CNTNAP1: variants seen among roughly 807,000 people sequenced by gnomAD.
The protein encoded by CNTNAP1 is contactin-associated protein 1.
CNTNAP1 carries 80 observed loss-of-function variants against 161.5 expected under a neutral mutation model. The observed-to-expected ratio is 0.50, with a 90% CI of 0.41 to 0.60. The LOEUF (loss-of-function observed/expected upper bound fraction) is 0.60, where lower values mean the gene tolerates loss of function less well. Among genes scored for constraint, CNTNAP1 ranks in the 20% least tolerant of loss-of-function variants. The probability of loss-of-function intolerance (pLI) is 0.00; values close to 1 mark genes in which losing one functional copy is unlikely to be tolerated. For synonymous variants in CNTNAP1, 695 were observed against 733.1 expected (o/e 0.95, Z 0.84); for missense variants, 1,464 against 1,854.8 (o/e 0.79, Z 3.87).
In CNTNAP1 at chr17:42,692,385, G is replaced by A. The variant is rs896006330; in HGVS notation, c.2531-114G>A. ...ATGCAAGCTACAGACAAATTGGAGG[G>A]ATATTCAAGAAGCTCCAAAGAGGTG... On this transcript the variant is annotated intron_variant, in intron 16 of 23. Transcript: ENST00000264638. 14 of 851,938 alleles carry A rather than the reference G, an allele frequency of 1.6e-5. No individual in the cohort carries two copies. In the African/African-American group the frequency reaches 2.0e-4, roughly 12 times the overall value. The allele number at this position is 851,938 out of a possible 1,614,324, so 52.8% of individuals were successfully genotyped here. A position where few individuals can be genotyped will look rare whatever the true frequency, so the allele number is the denominator to read the frequency against.
rs778390242 is a variant in CNTNAP1, at chr17:42,697,723, C to T, written c.3738C>T (p.Ser1246=). Residue 1246 remains serine, a synonymous_variant, in exon 22 of 24, where the codon TCC becomes TCT. Transcript: ENST00000264638. The stretch of plus-strand genomic sequence containing the variant: ...CCCTTCGAGTTCAGGGAGAACTGTC[C>T]GAATCTAATTGCGGAGCTATGCCAC... ...AEALRVQGEL[S]ESNCGAMPRL... is the part of the protein sequence containing the mutation. 6.8e-6 allele frequency: 11 copies of T among 1,614,112 alleles called. No homozygotes were observed. The highest frequency in any genetic ancestry group is 2.2e-5 in the East Asian group (1 of 44,890).
rs1185774436 is a variant in CNTNAP1 at position 42,698,978 on chromosome 17, A to G, written c.*68A>G. On this transcript the variant is annotated 3_prime_UTR_variant, in exon 24 of 24. Coordinates refer to ENST00000264638, the MANE Select transcript of CNTNAP1 (RefSeq NM_003632.3). ...CCCAGTCCTGCCTCTCCCCCATCCT[A>G]TCAGGGACATTTGGCTCCTCTTAGC... 1.4e-5 allele frequency: 19 copies of G among 1,396,294 alleles called. No homozygotes were observed. The highest frequency in any genetic ancestry group is 1.7e-5 in the Non-Finnish European group (18 of 1,053,512). 86.5% of individuals were successfully genotyped at this position (1,396,294 alleles called of 1,614,324 possible).
At position 42,697,793 on chromosome 17, in the gene CNTNAP1, C is replaced by T; in HGVS notation, c.3808C>T (p.Pro1270Ser). Reference sequence around the variant, plus strand: ...ACCTGAGCTTGATCCCTGGTATCTGCCCCCAGGTACATTCCCAGGACACAG... The same window carrying T: ...ACCTGAGCTTGATCCCTGGTATCTGTCCCCAGGTACATTCCCAGGACACAG... ...VPPELDPWYL[P>S]PDFPYYHDEG... The change falls in exon 22 of 24, where the codon CCC becomes TCC. Residue 1270 changes from proline to serine, a missense_variant. Around this residue, in one of 3 missense-constraint regions of CNTNAP1, gnomAD observed 1,383 missense variants for 1,765.0 expected, o/e 0.78. Coordinates refer to ENST00000264638, the MANE Select transcript of CNTNAP1 (RefSeq NM_003632.3). 5 of 1,614,136 alleles carry T rather than the reference C, an allele frequency of 3.1e-6. No homozygotes were observed. Among genetic ancestry groups the T allele is most frequent in the Non-Finnish European group, 4.2e-6 (5 of 1,180,020 alleles).
chr17:42,683,866 T>C lies in CNTNAP1; in HGVS notation c.113T>C (p.Leu38Pro), dbSNP rs1370685194. 1 of 1,613,138 alleles carries C rather than the reference T, an allele frequency of 6.2e-7. No individual in the cohort carries two copies. The highest frequency in any genetic ancestry group is 8.5e-7 in the Non-Finnish European group (1 of 1,180,004). The change falls in exon 2 of 24, where the codon CTG becomes CCG. Residue 38 changes from leucine (L) to proline (P), a missense_variant. Around this residue, in one of 3 missense-constraint regions of CNTNAP1, gnomAD observed 77 missense variants for 73.6 expected, o/e 1.05. Transcript: ENST00000264638. ...ELVGPLYARS[L>P]GASSYYSLLT... Reference sequence around the variant, plus strand: ...GTGGGTCCCCTGTATGCACGCTCCCTGGGCGCCTCCTCCTACTACAGTCTC... The same window carrying C: ...GTGGGTCCCCTGTATGCACGCTCCCCGGGCGCCTCCTCCTACTACAGTCTC...
chr17:42,697,642 T>TC lies in CNTNAP1; in HGVS notation c.3661dup (p.Leu1221ProfsTer14). On this transcript the variant is annotated frameshift_variant, in exon 22 of 24. Transcript: ENST00000264638. LOFTEE classifies it high-confidence loss of function. ...CTGGTGTTCGATTCAACAACGTGGC[T>TC]CCCCTCAAGACCCACTTCCGAACCC... 1 of 1,614,056 alleles carries TC rather than the reference T, an allele frequency of 6.2e-7. No homozygotes were observed. Among genetic ancestry groups the TC allele is most frequent in the Non-Finnish European group, 8.5e-7 (1 of 1,179,994 alleles).
In CNTNAP1 at chr17:42,687,542, C is replaced by T; in HGVS notation, c.1045-178C>T. On this transcript the variant is annotated intron_variant, in intron 7 of 23. Coordinates refer to ENST00000264638, the MANE Select transcript of CNTNAP1 (RefSeq NM_003632.3). This position sits in a 1 kb window ranked among gnomAD's most constrained non-coding sequence, Gnocchi z 4.7. Reference sequence around the variant, plus strand: ...GTTCCGAGGGCCGACTGGGTTGGGGCCCCCTCCACAGATGGACGAGCTTGG... The same window carrying T: ...GTTCCGAGGGCCGACTGGGTTGGGGTCCCCTCCACAGATGGACGAGCTTGG... 3.8e-6 allele frequency: 3 copies of T among 793,170 alleles called. No individual in the cohort carries two copies. The highest frequency in any genetic ancestry group is 2.8e-5 in the Admixed American group (1 of 35,426). 49.1% of individuals were successfully genotyped at this position (793,170 alleles called of 1,614,324 possible).
Position 42,684,902 on chromosome 17 carries a change from G to A in CNTNAP1, c.364-89G>A, listed in dbSNP as rs546078976. ...ATCGTACCACCGCACTCCAGCCTGG[G>A]CGACAGAGCGAGACTCTGTCTCAAA... On this transcript the variant is annotated intron_variant, in intron 3 of 23. Transcript: ENST00000264638. The A allele has an allele frequency of 2.1e-4, 308 of 1,466,056 alleles. 2 individuals are homozygous for A. The South Asian group carries it at 3.2e-3, about 15-fold the overall frequency. The allele number at this position is 1,466,056 out of a possible 1,614,324, so 90.8% of individuals were successfully genotyped here.
chr17:42,685,101 G>C lies in CNTNAP1; in HGVS notation c.474G>C (p.Lys158Asn), dbSNP rs1210813489. ...IVPLAWNPRG[K>N]IGLRLGLYGC... is the part of the protein sequence containing the mutation. ...CCCTGGCCTGGAACCCACGCGGCAA[G>C]ATCGGCCTGAGGCTCGGCCTCTATG... The change falls in exon 4 of 24, where the codon AAG becomes AAC. Residue 158 changes from lysine (K) to asparagine (N), a missense_variant. Around this residue, in one of 3 missense-constraint regions of CNTNAP1, gnomAD observed 1,383 missense variants for 1,765.0 expected, o/e 0.78. Transcript: ENST00000264638. This position sits in a 1 kb window ranked among gnomAD's most constrained non-coding sequence, Gnocchi z 5.0. 1.9e-6 allele frequency: 3 copies of C among 1,580,116 alleles called. No homozygotes were observed. In the South Asian group the frequency reaches 3.5e-5, roughly 18 times the overall value.
chr17:42,683,126 C>T (rs2052959228), intron 1 of CNTNAP1: 4 of 605,610 alleles, frequency 6.6e-6, no homozygotes, highest in Admixed American at 3.1e-5. Context: ...AGTCAGCGGG[C>T]AGGGATTTGG....
At position 42,698,671 on chromosome 17, in the gene CNTNAP1, C is replaced by G. The variant is rs916065681; in HGVS notation, c.3916C>G (p.Leu1306Val). ...GLVGMLVLFY[L>V]QNHRYKGSYH... ...GGTGGGAATGTTGGTGCTCTTCTAT[C>G]TGCAAAATCATCGCTATAAGGGCTC... Residue 1306 changes from leucine to valine, a missense_variant, in exon 24 of 24, where the codon CTG (leucine) becomes GTG (valine). Physicochemically the swap from Leu to Val is conservative, Grantham distance 32. Coordinates refer to ENST00000264638, the MANE Select transcript of CNTNAP1 (RefSeq NM_003632.3). The G allele has an allele frequency of 7.4e-6, 12 of 1,610,746 alleles. No homozygotes were observed. Among genetic ancestry groups the G allele is most frequent in the African/African-American group, 4.0e-5 (3 of 74,652 alleles).
Position 42,687,580 on chromosome 17 carries a change from C to T in CNTNAP1, c.1045-140C>T, listed in dbSNP as rs2053033366. The T allele has an allele frequency of 3.5e-6, 4 of 1,135,114 alleles. No homozygotes were observed. In the Admixed American group the frequency reaches 9.3e-5, roughly 26 times the overall value. 70.3% of individuals were successfully genotyped at this position (1,135,114 alleles called of 1,614,324 possible). A position where few individuals can be genotyped will look rare whatever the true frequency, so the allele number is the denominator to read the frequency against. On this transcript the variant is annotated intron_variant, in intron 7 of 23. Coordinates refer to ENST00000264638, the MANE Select transcript of CNTNAP1 (RefSeq NM_003632.3). The surrounding 1 kb of genome is among the most constrained non-coding windows in gnomAD (Gnocchi z 4.7). The stretch of plus-strand genomic sequence containing the variant: ...TGGACGAGCTTGGAGGGGAAGAGGT[C>T]ACGTCATGGTTGGAGATCTCACCCC...
chr17:42,683,525 A>G (rs2052965097), intron 1 of CNTNAP1: 3 of 1,242,802 alleles, frequency 2.4e-6, no homozygotes, highest in South Asian at 4.2e-5. Flanking sequence ...GAGGTTTAGG[A>G]TTGAGTTTGG....
chr17:42,695,589 G>A lies in CNTNAP1; in HGVS notation c.3061G>A (p.Ala1021Thr). ...YNLQSALRSAAREFSHMLSRP... is the reference protein window; with the variant it reads ...YNLQSALRSATREFSHMLSRP... ...CCTACAGTCAGCGCTGCGCTCTGCA[G>A]CCAGGGAGTTCTCCCACATGCTGAG... Residue 1021 changes from alanine (A) to threonine (T), a missense_variant, in exon 19 of 24, where the codon GCC becomes ACC. This residue lies in a region of CNTNAP1 where 1,383 missense variants were observed against 1,765.0 expected (regional missense o/e 0.78). Coordinates refer to ENST00000264638, the MANE Select transcript of CNTNAP1 (RefSeq NM_003632.3). The A allele has an allele frequency of 6.2e-7, 1 of 1,614,156 alleles. No homozygotes were observed. Among genetic ancestry groups the A allele is most frequent in the Non-Finnish European group, 8.5e-7 (1 of 1,180,012 alleles).
chr17:42,698,839 A>G lies in CNTNAP1; in HGVS notation c.4084A>G (p.Thr1362Ala), dbSNP rs536045727. ...AGCCTCAGCCCCAGCCCCAGCCCCA[A>G]CTCCAGCCCCAGCCCCTGGCCCCCG... Reference protein sequence around the residue: ...APASAPAPAPTPAPAPGPRDQ... With the variant: ...APASAPAPAPAPAPAPGPRDQ... Residue 1362 changes from threonine to alanine, a missense_variant, in exon 24 of 24, where the codon ACT becomes GCT. By Grantham distance (58) the Thr-to-Ala change is moderately conservative (BLOSUM62 0). Coordinates refer to ENST00000264638, the MANE Select transcript of CNTNAP1 (RefSeq NM_003632.3). 6.3e-7 allele frequency: 1 copy of G among 1,595,286 alleles called. No homozygotes were observed. Among genetic ancestry groups the G allele is most frequent in the Non-Finnish European group, 8.5e-7 (1 of 1,175,926 alleles).
At position 42,690,221 on chromosome 17, in the gene CNTNAP1, T is replaced by C; in HGVS notation, c.1855+14T>C. The C allele has an allele frequency of 4.3e-6, 7 of 1,613,220 alleles. No homozygotes were observed. The highest frequency in any genetic ancestry group is 4.2e-6 in the Non-Finnish European group (5 of 1,179,588). On this transcript the variant is annotated intron_variant, in intron 12 of 23. Coordinates refer to ENST00000264638, the MANE Select transcript of CNTNAP1 (RefSeq NM_003632.3). Reference sequence around the variant, plus strand: ...GTGATATCCGAGGTAAGTGTCTCTGTTGGGTGGTGAGGGGGTGAGGGGAGA... The same window carrying C: ...GTGATATCCGAGGTAAGTGTCTCTGCTGGGTGGTGAGGGGGTGAGGGGAGA...
At position 42,691,732 on chromosome 17, in the gene CNTNAP1, C is replaced by T. The variant is rs1412887490; in HGVS notation, c.2345-74C>T. 4.5e-5 allele frequency: 69 copies of T among 1,524,400 alleles called. No homozygotes were observed. In the Middle Eastern group the frequency reaches 6.9e-4, roughly 15 times the overall value. 94.4% of individuals were successfully genotyped at this position (1,524,400 alleles called of 1,614,324 possible). A position where few individuals can be genotyped will look rare whatever the true frequency, so the allele number is the denominator to read the frequency against. ...TCCCCCTTTGCCCAACCTTCCCTGC[C>T]CCCAACCCCAGGTTCTCTTCCTCCT... On this transcript the variant is annotated intron_variant, in intron 15 of 23. Transcript: ENST00000264638. This position sits in a 1 kb window ranked among gnomAD's most constrained non-coding sequence, Gnocchi z 4.3.
intron 20 of CNTNAP1, among the ~76,000 whole-genome samples, chr17:42,697,005 C>T (rs1015157552): frequency 1.3e-5 from 2 of 151,880 alleles, no homozygotes; most frequent in Admixed American, 1.3e-4. Context: ...AAGACCTCAT[C>T]TTCACAAAGA....
Position 42,691,343 on chromosome 17 carries a change from C to T in CNTNAP1, c.2217-41C>T. On this transcript the variant is annotated intron_variant, in intron 14 of 23. Coordinates refer to ENST00000264638, the MANE Select transcript of CNTNAP1 (RefSeq NM_003632.3). The surrounding 1 kb of genome is among the most constrained non-coding windows in gnomAD (Gnocchi z 4.3). ...TTTAGGACTCCGGGAGTGGGAGGAGCTGAGTGGCTGGGGCTGAGCCATGAC... is the reference window on the plus strand; with the variant it reads ...TTTAGGACTCCGGGAGTGGGAGGAGTTGAGTGGCTGGGGCTGAGCCATGAC... 2 of 1,614,028 alleles carry T rather than the reference C, an allele frequency of 1.2e-6. No individual in the cohort carries two copies. The highest frequency in any genetic ancestry group is 1.7e-6 in the Non-Finnish European group (2 of 1,179,976).
At chr17:42,692,380 G>T in intron 16 of CNTNAP1, 119 bp from the exon 17 acceptor site, 1 of 824,810 alleles carries the variant, frequency 1.2e-6, no homozygotes, top group Non-Finnish European at 1.9e-6. Context: ...CAGACAAATT[G>T]GAGGGATATT....
Sources: gnomAD v4.1 joint callset for allele counts (sites outside exome capture counted in the v4.1 genomes callset) on GRCh38, gnomAD v4.1.1 for gene constraint, gnomAD v4.1.1 regional missense constraint, Gnocchi (gnomAD v3.1) non-coding constraint, MANE v1.5 for transcripts, NCBI Gene and HGNC (gene_info 2026-07-23, HGNC 2026-07-21) for gene names.